The following GAB2 variants were observed in gnomAD, a reference collection of about 807,000 sequenced individuals.
The protein encoded by GAB2 is GRB2-associated-binding protein 2.
GAB2 carries 26 observed loss-of-function variants against 65.5 expected under a neutral mutation model. That is an observed-to-expected ratio of 0.40 (90% CI 0.29 to 0.55). The LOEUF (loss-of-function observed/expected upper bound fraction) is 0.55, where lower values mean the gene tolerates loss of function less well. Ranked by LOEUF, GAB2 falls within the 20% of genes least tolerant of loss-of-function variation. The pLI is 0.53. For missense variants in GAB2, 884 were observed against 875.8 expected (o/e 1.01, Z -0.12); for synonymous variants, 321 against 329.6 (o/e 0.97, Z 0.28).
At position 78,223,480 on chromosome 11, in the gene GAB2, C is replaced by A; in HGVS notation, c.1499G>T (p.Arg500Leu). The change falls in exon 6 of 10, where the codon CGA becomes CTA. Residue 500 changes from arginine (R) to leucine (L), a missense_variant. Coordinates refer to ENST00000361507, the MANE Select transcript of GAB2 (RefSeq NM_080491.3). ...AATCTCACTTCCTCTGCTGGGGCCT[C>A]GGTGCACAGGAAGGGTTGTTGATGG... ...GYPSTTLPVH[R>L]GPSRGSEIQP... 1.9e-6 allele frequency: 3 copies of A among 1,602,416 alleles called. No homozygotes were observed. The highest frequency in any genetic ancestry group is 1.7e-4 in the Middle Eastern group (1 of 6,026).
chr11:78,325,042 A>C (rs901410747), intron 1 of GAB2, among the ~76,000 whole-genome samples: 5 of 152,218 alleles, frequency 3.3e-5, no homozygotes, highest in Admixed American at 2.0e-4. Context: ...GATGCAAACC[A>C]GGGCATCTTA....
intron 3 of GAB2, among the ~76,000 whole-genome samples, chr11:78,241,611 GA>G (rs561166459): frequency 0.081 from 11,343 of 139,802 alleles, 1,279 homozygotes; most frequent in African/African-American, 0.27. Flanking sequence ...AAAAGAGAAA[GA>G]AAAAAAAAAA....
intron 1 of GAB2, among the ~76,000 whole-genome samples, chr11:78,306,125 A>G (rs1462196465): frequency 6.6e-6 from 1 of 152,212 alleles, no homozygotes; most frequent in Non-Finnish European, 1.5e-5. Context: ...AGAACCTTCA[A>G]CTTTACCCCA....
At chr11:78,261,481 TTC>T (rs886418243) in intron 2 of GAB2, among the ~76,000 whole-genome samples, 2 of 152,160 alleles carry the variant, frequency 1.3e-5, no homozygotes, top group African/African-American at 4.8e-5. Context: ...TTGTGTGTAT[TTC>T]TGTTTGGGGA....
intron 1 of GAB2, among the ~76,000 whole-genome samples, chr11:78,382,594 G>C (rs1252019018): frequency 6.6e-6 from 1 of 152,076 alleles, no homozygotes; most frequent in Non-Finnish European, 1.5e-5. Context: ...ACAGCAGTTA[G>C]GTAAGTCTCT....
intron 3 of GAB2, among the ~76,000 whole-genome samples, chr11:78,239,785 A>G (rs1865077869): frequency 6.6e-6 from 1 of 152,180 alleles, no homozygotes; most frequent in South Asian, 2.1e-4. Flanking sequence ...TGAAGTCCTC[A>G]TAGGCACTAA....
At chr11:78,307,492 T>TCG (rs914742847) in intron 1 of GAB2, among the ~76,000 whole-genome samples, 2 of 152,004 alleles carry the variant, frequency 1.3e-5, no homozygotes, top group Admixed American at 1.3e-4. Context: ...GCATGATGGC[T>TCG]CACACCTGTA....
intron 1 of GAB2, among the ~76,000 whole-genome samples, chr11:78,310,087 T>A (rs895985930): frequency 3.3e-5 from 5 of 151,958 alleles, no homozygotes; most frequent in Non-Finnish European, 5.9e-5. Flanking sequence ...AAACCATGCA[T>A]AGGATAAAAT....
chr11:78,376,945 T>G (rs962251000), intron 1 of GAB2, among the ~76,000 whole-genome samples: 3 of 152,178 alleles, frequency 2.0e-5, no homozygotes, highest in African/African-American at 7.2e-5. Context: ...GCTGTGAGTC[T>G]TGTAAGAGCT....
At chr11:78,341,580 T>A (rs1856095827) in intron 1 of GAB2, among the ~76,000 whole-genome samples, 1 of 152,174 alleles carries the variant, frequency 6.6e-6, no homozygotes, top group South Asian at 2.1e-4. Flanking sequence ...CTGCCAATGG[T>A]TTCTTAAAAG....
chr11:78,231,339 GT>G (rs1565117466), intron 3 of GAB2, among the ~76,000 whole-genome samples: 1,500 of 149,380 alleles, frequency 0.01, 20 homozygotes, highest in African/African-American at 0.035. Flanking sequence ...CGTGTGTGGT[GT>G]GTGTGTGTGT....
chr11:78,309,954 GT>G (rs1223321762), intron 1 of GAB2, among the ~76,000 whole-genome samples: 10 of 147,530 alleles, frequency 6.8e-5, no homozygotes, highest in African/African-American at 2.7e-4. Flanking sequence ...GTGTGTGTGT[GT>G]GTGTGTGTGT....
At chr11:78,239,963 C>T (rs894983186) in intron 3 of GAB2, among the ~76,000 whole-genome samples, 6 of 152,010 alleles carry the variant, frequency 3.9e-5, no homozygotes, top group African/African-American at 1.4e-4. Flanking sequence ...CCATTGCTAG[C>T]CCAGTGGCCC....
intron 1 of GAB2, among the ~76,000 whole-genome samples, chr11:78,282,390 T>TCTGCCTC (rs1007369040): frequency 2.6e-5 from 4 of 151,528 alleles, no homozygotes; most frequent in African/African-American, 7.3e-5. Context: ...CATTGCAACC[T>TCTGCCTC]CTGCCTCCTG....
intron 6 of GAB2, among the ~76,000 whole-genome samples, 157 bp downstream of exon 6, chr11:78,223,255 C>G (rs981772541): frequency 6.6e-6 from 1 of 152,176 alleles, no homozygotes; most frequent in Admixed American, 6.5e-5. Flanking sequence ...GTAGGAATTA[C>G]CATCTGCATT....
At chr11:78,288,506 G>A (rs1254400487) in intron 1 of GAB2, among the ~76,000 whole-genome samples, 1 of 151,708 alleles carries the variant, frequency 6.6e-6, no homozygotes, top group Non-Finnish European at 1.5e-5. Flanking sequence ...CAGGATACAA[G>A]ATAATCATAC....
chr11:78,374,397 A>G (rs1856607847), intron 1 of GAB2, among the ~76,000 whole-genome samples: 1 of 152,152 alleles, frequency 6.6e-6, no homozygotes, highest in South Asian at 2.1e-4. Flanking sequence ...GTAGGACCTT[A>G]TTGTCCATGT....
rs138980563 is a variant in GAB2 at position 78,396,980 on chromosome 11, A to G, written c.75+20666T>C. On this transcript the variant is annotated intron_variant, in intron 1 of 9. Transcript: ENST00000361507. Reference sequence around the variant, plus strand: ...TCATTTTGTAAAATATACATAGCACATATAAATACAGGAAAAAGAGACTAG... The same window carrying G: ...TCATTTTGTAAAATATACATAGCACGTATAAATACAGGAAAAAGAGACTAG... Among the ~76,000 whole-genome samples the G allele has an allele frequency of 2.0e-3, 305 of 152,348 alleles. 6 individuals carry two copies. The highest frequency in any genetic ancestry group is 0.019 in the Admixed American group (285 of 15,308).
At chr11:78,390,492 T>G (rs1427069751) in intron 1 of GAB2, among the ~76,000 whole-genome samples, 6 of 152,100 alleles carry the variant, frequency 3.9e-5, no homozygotes, top group Admixed American at 3.9e-4. Context: ...GGGAGGCTGA[T>G]GCACAAGAAT....
Sources: gnomAD v4.1 joint callset for allele counts (sites outside exome capture counted in the v4.1 genomes callset) on GRCh38, gnomAD v4.1.1 for gene constraint, MANE v1.5 for transcripts, NCBI Gene and HGNC (gene_info 2026-07-23, HGNC 2026-07-21) for gene names.